METAP1D: variants seen among roughly 807,000 people sequenced by gnomAD.
METAP1D encodes methionine aminopeptidase 1D, mitochondrial.
In METAP1D, 31 loss-of-function variants were observed where a neutral mutation model predicts 40.5. The ratio of observed to expected loss-of-function variants is 0.77; its 90% CI spans 0.58 to 1.03. METAP1D has a LOEUF of 1.03. Ranked by LOEUF, METAP1D falls within the 50% of genes least tolerant of loss-of-function variation. The pLI is 0.00. For missense variants in METAP1D, 411 were observed against 420.7 expected (o/e 0.98, Z 0.20); for synonymous variants, 151 against 146.4 (o/e 1.03, Z -0.22).
chr2:172,063,930 C>G (rs1690193532), intron 3 of METAP1D, 70 bp downstream of exon 3: 10 of 1,431,364 alleles, frequency 7.0e-6, no homozygotes, highest in Non-Finnish European at 9.2e-6. Flanking sequence ...TTTCCTTCTC[C>G]TTAACTCTTC....
chr2:172,017,623 G>T (rs1414753372), intron 1 of METAP1D, among the ~76,000 whole-genome samples: 1 of 151,760 alleles, frequency 6.6e-6, no homozygotes, highest in Non-Finnish European at 1.5e-5. Flanking sequence ...ACAAAAATGT[G>T]ATTCATGGAT....
intron 7 of METAP1D, 21 bp from the exon 8 acceptor site, chr2:172,079,194 C>G (rs144403781): frequency 6.2e-7 from 1 of 1,613,452 alleles, no homozygotes; most frequent in Non-Finnish European, 8.5e-7. Flanking sequence ...ATTCTCACCC[C>G]CCATGTTTTT....
chr2:172,053,230 G>T (rs1359942586), intron 1 of METAP1D, among the ~76,000 whole-genome samples: 48 of 152,254 alleles, frequency 3.2e-4, no homozygotes, highest in Non-Finnish European at 1.5e-5. Context: ...AGCGCTGTAA[G>T]AGCCTGTGCT....
chr2:172,005,224 C>G (rs987194957), intron 1 of METAP1D, among the ~76,000 whole-genome samples: 1 of 151,776 alleles, frequency 6.6e-6, no homozygotes, highest in African/African-American at 2.4e-5. Context: ...TGGATGAATA[C>G]TTTAGAAGTG....
chr2:172,030,276 G>A (rs1342201749), intron 1 of METAP1D, among the ~76,000 whole-genome samples: 1 of 151,642 alleles, frequency 6.6e-6, no homozygotes, highest in Non-Finnish European at 1.5e-5. Context: ...ATTTTTATTA[G>A]AGACGGGGTT....
At chr2:172,003,799 C>G (rs1688520792) in intron 1 of METAP1D, among the ~76,000 whole-genome samples, 1 of 151,976 alleles carries the variant, frequency 6.6e-6, no homozygotes, top group Non-Finnish European at 1.5e-5. Context: ...GAGTCTCGCC[C>G]TGTAGCACAG....
intron 1 of METAP1D, among the ~76,000 whole-genome samples, chr2:172,040,312 G>A (rs1689488327): frequency 6.6e-6 from 1 of 152,120 alleles, no homozygotes; most frequent in Non-Finnish European, 1.5e-5. Flanking sequence ...CAGGATTATA[G>A]CTTAACTTTA....
Position 172,019,633 on chromosome 2 carries a change from C to T in METAP1D, c.40+19624C>T, listed in dbSNP as rs565955069. On this transcript the variant is annotated intron_variant, in intron 1 of 9. Coordinates refer to ENST00000315796, the MANE Select transcript of METAP1D (RefSeq NM_199227.3). ...GAGACTATATATATGTATATAATCTCCAAGAGGCCAGGTGCAGCGGCCTCT... is the reference window on the plus strand; with the variant it reads ...GAGACTATATATATGTATATAATCTTCAAGAGGCCAGGTGCAGCGGCCTCT... 1.2e-4 allele frequency among the ~76,000 whole-genome samples: 18 copies of T among 152,126 alleles called. No homozygotes were observed. In the South Asian group the frequency reaches 3.7e-3, roughly 32 times the overall value.
rs1044991225 is a variant in METAP1D at position 172,038,616 on chromosome 2, C to T, written c.41-22882C>T. ...TGTTACATATGGGTTTTTATTTACC[C>T]ACCCTCCTAAAACATTGAAATATAT... On this transcript the variant is annotated intron_variant, in intron 1 of 9. Coordinates refer to ENST00000315796, the MANE Select transcript of METAP1D (RefSeq NM_199227.3). 2.6e-5 allele frequency among the ~76,000 whole-genome samples: 4 copies of T among 152,192 alleles called. No individual in the cohort carries two copies. The East Asian group carries it at 7.7e-4, about 29-fold the overall frequency.
intron 1 of METAP1D, among the ~76,000 whole-genome samples, chr2:172,020,222 T>C (rs1688973492): frequency 6.6e-6 from 1 of 152,108 alleles, no homozygotes; most frequent in Non-Finnish European, 1.5e-5. Context: ...ACTGACCTCA[T>C]GATCCACCCG....
At chr2:172,048,504 T>C (rs1002508613) in intron 1 of METAP1D, among the ~76,000 whole-genome samples, 1 of 152,214 alleles carries the variant, frequency 6.6e-6, no homozygotes, top group East Asian at 1.9e-4. Context: ...AAACCAATAG[T>C]ACTCAGAGAA....
At chr2:172,006,382 A>C (rs886160606) in intron 1 of METAP1D, among the ~76,000 whole-genome samples, 14 of 151,986 alleles carry the variant, frequency 9.2e-5, no homozygotes, top group African/African-American at 2.9e-4. Flanking sequence ...ATGGGGTTTC[A>C]CCGTGTTAGC....
At chr2:172,072,060 C>A (rs1014880550) in intron 6 of METAP1D, among the ~76,000 whole-genome samples, 1 of 152,074 alleles carries the variant, frequency 6.6e-6, no homozygotes, top group Non-Finnish European at 1.5e-5. Flanking sequence ...AGACTTTGAA[C>A]AAAATTGTGT....
At chr2:172,006,465 G>A (rs1423793477) in intron 1 of METAP1D, among the ~76,000 whole-genome samples, 1 of 152,188 alleles carries the variant, frequency 6.6e-6, no homozygotes, top group Admixed American at 6.5e-5. Flanking sequence ...TTACAGGTGT[G>A]AGCCACTGCG....
In METAP1D at chr2:172,016,514, G is replaced by A. The variant is rs566941699; in HGVS notation, c.40+16505G>A. Among the ~76,000 whole-genome samples, 3 of 151,186 alleles carry A rather than the reference G, an allele frequency of 2.0e-5. No homozygotes were observed. In the East Asian group the frequency reaches 5.8e-4, roughly 29 times the overall value. ...TGTGCACCTGTAATCCCAGCTACTT[G>A]GGAGGCTGAGGTGGGAGGATTGCTT... On this transcript the variant is annotated intron_variant, in intron 1 of 9. Transcript: ENST00000315796.
Position 172,063,724 on chromosome 2 carries a change from C to T in METAP1D, c.212C>T (p.Pro71Leu). The stretch of plus-strand genomic sequence containing the variant: ...TTTTTCCTCAAGCACATAAAGAAGC[C>T]AGACTATGTGACGACAGGCATTGTA... ...AHPVPKHIKK[P>L]DYVTTGIVPD... The change falls in exon 3 of 10, where the codon CCA becomes CTA. Residue 71 changes from proline to leucine, a missense_variant. By Grantham distance (98) the Pro-to-Leu change is moderately conservative. Transcript: ENST00000315796. The T allele has an allele frequency of 6.2e-7, 1 of 1,613,350 alleles. No individual in the cohort carries two copies. Among genetic ancestry groups the T allele is most frequent in the South Asian group, 1.1e-5 (1 of 90,978 alleles).
Position 172,080,177 on chromosome 2 carries a change from A to C in METAP1D, c.900A>C (p.Ala300=). 1.2e-6 allele frequency: 2 copies of C among 1,614,236 alleles called. No homozygotes were observed. Among genetic ancestry groups the C allele is most frequent in the Admixed American group, 1.7e-5 (1 of 60,028 alleles). Residue 300 remains alanine (A), a synonymous_variant, in exon 9 of 10, where the codon GCA becomes GCC. Coordinates refer to ENST00000315796, the MANE Select transcript of METAP1D (RefSeq NM_199227.3). Reference sequence around the variant, plus strand: ...CTGAATTTAAAGTCCTGGAGGATGCATGGACTGTGGTCTCCCTAGACAATC... The same window carrying C: ...CTGAATTTAAAGTCCTGGAGGATGCCTGGACTGTGGTCTCCCTAGACAATC... ...GSPEFKVLED[A]WTVVSLDNQR... is the part of the protein sequence containing the mutation.
At chr2:172,069,864 T>C (rs1190839141) in intron 5 of METAP1D, among the ~76,000 whole-genome samples, 1 of 152,208 alleles carries the variant, frequency 6.6e-6, no homozygotes, top group Admixed American at 6.5e-5. Flanking sequence ...CCTTTCTTGC[T>C]TCCTTCACAG....
chr2:172,040,474 C>T (rs954351459), intron 1 of METAP1D, among the ~76,000 whole-genome samples: 2 of 152,120 alleles, frequency 1.3e-5, no homozygotes, highest in African/African-American at 4.8e-5. Context: ...GAGGAAACTA[C>T]ATCAGGAGAG....
Sources: allele counts gnomAD v4.1 joint callset (sites outside exome capture counted in the v4.1 genomes callset), GRCh38; gene constraint gnomAD v4.1.1; transcripts MANE v1.5; gene names NCBI Gene and HGNC (gene_info 2026-07-23, HGNC 2026-07-21).